The following CSMD1 variants were observed in gnomAD, a reference collection of about 807,000 sequenced individuals.
CSMD1 encodes CUB and sushi domain-containing protein 1.
A neutral mutation model predicts 417.5 loss-of-function variants in CSMD1; 213 were observed. The ratio of observed to expected loss-of-function variants is 0.51; its 90% CI spans 0.46 to 0.57. The LOEUF is 0.57. Ranked by LOEUF, CSMD1 falls within the 20% of genes least tolerant of loss-of-function variation. The pLI, the probability that CSMD1 is intolerant of heterozygous loss-of-function variation, is 0.00. For synonymous variants in CSMD1, 2,862 were observed against 1,736.8 expected (o/e 1.65, Z -16.11); for missense variants, 6,923 against 4,529.7 (o/e 1.53, Z -15.17).
At chr8:2,955,428 C>A (rs139514047) in intron 64 of CSMD1, among the ~76,000 whole-genome samples, 161 bp downstream of exon 64, 92 of 152,304 alleles carry the variant, frequency 6.0e-4, no homozygotes, top group African/African-American at 2.0e-3. Flanking sequence ...CACACGTTCA[C>A]ACACACAGCT....
intron 3 of CSMD1, among the ~76,000 whole-genome samples, chr8:4,263,187 T>C (rs948801425): frequency 2.8e-4 from 43 of 151,046 alleles, no homozygotes; most frequent in African/African-American, 1.0e-3. Flanking sequence ...TGTATTCTAG[T>C]GCCGTGTATT....
intron 5 of CSMD1, among the ~76,000 whole-genome samples, chr8:3,990,394 G>A (rs948772319): frequency 2.6e-5 from 4 of 152,168 alleles, no homozygotes; most frequent in African/African-American, 9.7e-5. Context: ...GAATGGTAAG[G>A]ATGGAGACGG....
chr8:4,002,915 G>T (rs1815804625), intron 4 of CSMD1, among the ~76,000 whole-genome samples: 1 of 152,184 alleles, frequency 6.6e-6, no homozygotes, highest in South Asian at 2.1e-4. Context: ...CTCAAATTAA[G>T]CATTATCTCA....
intron 23 of CSMD1, among the ~76,000 whole-genome samples, chr8:3,308,712 T>G (rs1805086876): frequency 1.3e-5 from 2 of 151,236 alleles, no homozygotes; most frequent in African/African-American, 4.9e-5. Context: ...GTCATCTTAT[T>G]TGTTCCTCCC....
intron 48 of CSMD1, among the ~76,000 whole-genome samples, chr8:3,090,185 CG>C (rs1349322392): frequency 2.6e-5 from 4 of 151,300 alleles, no homozygotes; most frequent in African/African-American, 9.7e-5. Flanking sequence ...GGCGCGGTGG[CG>C]GGCGCCTGTA....
chr8:3,411,193 G>A (rs73657843), intron 12 of CSMD1, among the ~76,000 whole-genome samples: 15,170 of 152,136 alleles, frequency 0.1, 941 homozygotes, highest in East Asian at 0.26. Context: ...AGCAGAGGCA[G>A]GTGAAAAGTG....
At chr8:3,634,934 C>T (rs1035783108) in intron 7 of CSMD1, among the ~76,000 whole-genome samples, 1 of 152,112 alleles carries the variant, frequency 6.6e-6, no homozygotes, top group Non-Finnish European at 1.5e-5. Context: ...TACAAACTCA[C>T]ACCACATGTG....
chr8:3,734,821 C>G (rs1796446008), intron 6 of CSMD1, among the ~76,000 whole-genome samples: 1 of 152,344 alleles, frequency 6.6e-6, no homozygotes, highest in South Asian at 2.1e-4. Context: ...GACGGGGATA[C>G]CTTCCTTCTG....
In CSMD1 at chr8:3,656,208, C is replaced by T. The variant is rs58893855; in HGVS notation, c.1010-39411G>A. Among the ~76,000 whole-genome samples, 1,404 of 152,210 alleles carry T rather than the reference C, an allele frequency of 9.2e-3. 13 individuals are homozygous for T. Among genetic ancestry groups the T allele is most frequent in the African/African-American group, 0.032 (1,341 of 41,530 alleles). Reference sequence around the variant, plus strand: ...TTTCCTACCAGAGCTATTCAGAAGCCGCTGTTAGACATAACCATGTGAGGG... The same window carrying T: ...TTTCCTACCAGAGCTATTCAGAAGCTGCTGTTAGACATAACCATGTGAGGG... On this transcript the variant is annotated intron_variant, in intron 7 of 69. Transcript: ENST00000635120.
chr8:3,675,679 C>G (rs773397206), intron 7 of CSMD1, among the ~76,000 whole-genome samples: 34 of 152,294 alleles, frequency 2.2e-4, no homozygotes, highest in Admixed American at 6.5e-4. Context: ...AAGATGCCAT[C>G]TGCAAACCAG....
chr8:3,315,714 A>C (rs1805706667), intron 23 of CSMD1, among the ~76,000 whole-genome samples: 2 of 152,314 alleles, frequency 1.3e-5, no homozygotes, highest in South Asian at 4.1e-4. Context: ...TCTGAACTTA[A>C]GGTAAAACAT....
At chr8:3,467,960 T>A (rs1816875218) in intron 12 of CSMD1, among the ~76,000 whole-genome samples, 1 of 152,196 alleles carries the variant, frequency 6.6e-6, no homozygotes, top group Admixed American at 6.5e-5. Flanking sequence ...TCCAGATAAA[T>A]ATTCTCATTT....
intron 5 of CSMD1, among the ~76,000 whole-genome samples, chr8:3,881,408 G>A (rs1295284992): frequency 6.6e-6 from 1 of 151,538 alleles, no homozygotes; most frequent in Admixed American, 6.6e-5. Context: ...GGCCGAGGCA[G>A]GCAGATCACA....
At chr8:4,920,327 T>G (rs1806352887) in intron 1 of CSMD1, among the ~76,000 whole-genome samples, 1 of 152,078 alleles carries the variant, frequency 6.6e-6, no homozygotes, top group East Asian at 1.9e-4. Context: ...AGTCTACACA[T>G]AGGAAAATTA....
rs17796219 is a variant in CSMD1, at chr8:2,989,879, C to T, written c.8377+8132G>A. On this transcript the variant is annotated intron_variant, in intron 54 of 69. Transcript: ENST00000635120. Reference sequence around the variant, plus strand: ...GGTGAGTCTTCCTAGCTAGCAAACTCCTCTGGTCGTCTGCATAGTTATCTA... The same window carrying T: ...GGTGAGTCTTCCTAGCTAGCAAACTTCTCTGGTCGTCTGCATAGTTATCTA... Among the ~76,000 whole-genome samples the T allele has an allele frequency of 6.0e-3, 913 of 152,272 alleles. 12 individuals are homozygous for T. The highest frequency in any genetic ancestry group is 0.014 in the Middle Eastern group (4 of 294).
intron 6 of CSMD1, among the ~76,000 whole-genome samples, chr8:3,751,637 A>T (rs916380660): frequency 2.0e-5 from 3 of 151,064 alleles, no homozygotes; most frequent in Admixed American, 6.6e-5. Flanking sequence ...TTAATTACAT[A>T]TTTTTTTTAA....
intron 3 of CSMD1, among the ~76,000 whole-genome samples, chr8:4,109,468 A>G (rs1319794895): frequency 6.6e-6 from 1 of 152,180 alleles, no homozygotes; most frequent in Non-Finnish European, 1.5e-5. Context: ...CTAAATATGT[A>G]ACCCTACTTT....
At chr8:3,725,740 G>A (rs1802451466) in intron 6 of CSMD1, among the ~76,000 whole-genome samples, 1 of 152,176 alleles carries the variant, frequency 6.6e-6, no homozygotes, top group Non-Finnish European at 1.5e-5. Flanking sequence ...CAACTGCTGT[G>A]TTGTTAGTGA....
At chr8:4,482,970 G>C (rs536416760) in intron 2 of CSMD1, among the ~76,000 whole-genome samples, 24 of 152,234 alleles carry the variant, frequency 1.6e-4, no homozygotes, top group African/African-American at 5.5e-4. Context: ...AATGAAAATA[G>C]AGTAATGGAG....
Sources: gnomAD v4.1 joint callset for allele counts (sites outside exome capture counted in the v4.1 genomes callset) on GRCh38, gnomAD v4.1.1 for gene constraint, MANE v1.5 for transcripts, NCBI Gene and HGNC (gene_info 2026-07-23, HGNC 2026-07-21) for gene names.